The following RAB11FIP4 variants were observed in gnomAD, a reference collection of about 807,000 sequenced individuals.
RAB11FIP4 encodes RAB11 family interacting protein 4, also known as rab11 family-interacting protein 4.
Under a neutral mutation model 74.3 loss-of-function variants are expected in RAB11FIP4, and 23 were observed. That is an observed-to-expected ratio of 0.31 (90% confidence interval 0.22 to 0.44). RAB11FIP4 has a LOEUF of 0.44. RAB11FIP4 is among the 20% of genes least tolerant of loss of function. The pLI, the probability that RAB11FIP4 is intolerant of heterozygous loss-of-function variation, is 1.00. For missense variants in RAB11FIP4, 630 were observed against 863.9 expected, an observed-to-expected ratio of 0.73 and a Z score of 3.39; for synonymous variants, 360 against 359.9, an observed-to-expected ratio of 1.00 and a Z score of 0.00.
rs1161756383 is a variant in RAB11FIP4 at position 31,521,161 on chromosome 17, C to T, written c.564-5C>T. 3 of 1,562,950 alleles carry T rather than the reference C, an allele frequency of 1.9e-6. No individual in the cohort carries two copies. Among genetic ancestry groups the T allele is most frequent in the Non-Finnish European group, 2.6e-6 (3 of 1,148,128 alleles). Reference sequence around the variant, plus strand: ...CCTCTGACTTGGGTGCTCTCGGACCCTCAGGTCCCTGGTCCACACTCCATC... The same window carrying T: ...CCTCTGACTTGGGTGCTCTCGGACCTTCAGGTCCCTGGTCCACACTCCATC... On this transcript the variant is annotated splice_polypyrimidine_tract_variant and splice_region_variant and intron_variant, in intron 4 of 14. Coordinates refer to ENST00000621161, the MANE Select transcript of RAB11FIP4 (RefSeq NM_032932.6).
intron 3 of RAB11FIP4, among the ~76,000 whole-genome samples, chr17:31,496,967 T>G (rs2072127818): frequency 1.3e-5 from 2 of 152,218 alleles, no homozygotes; most frequent in African/African-American, 4.8e-5. Flanking sequence ...CTTAACCTCC[T>G]TGAACCTGTG....
intron 3 of RAB11FIP4, among the ~76,000 whole-genome samples, chr17:31,464,778 T>TTTTTG (rs2071668600): frequency 6.4e-5 from 8 of 125,180 alleles, no homozygotes; most frequent in Non-Finnish European, 9.5e-5. Context: ...TTTTTTTTTT[T>TTTTTG]GAGACAAGGT....
At chr17:31,473,535 T>C (rs1315796297) in intron 3 of RAB11FIP4, among the ~76,000 whole-genome samples, 1 of 152,170 alleles carries the variant, frequency 6.6e-6, no homozygotes, top group Non-Finnish European at 1.5e-5. Flanking sequence ...AGTGAGACTC[T>C]GTCTCAAAAA....
intron 3 of RAB11FIP4, among the ~76,000 whole-genome samples, chr17:31,504,255 C>G (rs1361537691): frequency 1.3e-5 from 2 of 149,336 alleles, no homozygotes; most frequent in Non-Finnish European, 2.9e-5. Context: ...CACAGCCTCC[C>G]GAGTAGCTGG....
chr17:31,400,173 G>C (rs369584399), intron 1 of RAB11FIP4, among the ~76,000 whole-genome samples: 5 of 152,194 alleles, frequency 3.3e-5, no homozygotes, highest in African/African-American at 1.2e-4. Flanking sequence ...TCGCAGAAAA[G>C]AGGCAAAGGA....
chr17:31,514,788 C>T (rs2072516345), intron 3 of RAB11FIP4, among the ~76,000 whole-genome samples: 2 of 152,354 alleles, frequency 1.3e-5, no homozygotes, highest in Admixed American at 6.5e-5. Context: ...GGTGTCCCCG[C>T]ACTAACCTGC....
chr17:31,405,412 C>T (rs1342470179), intron 1 of RAB11FIP4, among the ~76,000 whole-genome samples: 1 of 152,140 alleles, frequency 6.6e-6, no homozygotes, highest in Non-Finnish European at 1.5e-5. Flanking sequence ...CTCTGTCGCC[C>T]AGGCTGGAGT....
chr17:31,496,155 G>A (rs2072111982), intron 3 of RAB11FIP4, among the ~76,000 whole-genome samples: 2 of 152,208 alleles, frequency 1.3e-5, no homozygotes, highest in Non-Finnish European at 2.9e-5. Context: ...GATGCAGGTG[G>A]AGCCACCTTG....
Position 31,434,082 on chromosome 17 carries a change from C to T in RAB11FIP4, c.296C>T (p.Thr99Met), listed in dbSNP as rs1029178031. Residue 99 changes from threonine to methionine, a missense_variant, in exon 3 of 15, where the codon ACG (threonine) becomes ATG (methionine). By Grantham distance (81) the Thr-to-Met change is moderately conservative (BLOSUM62 -1). Transcript: ENST00000621161. ...GTGCTGTCGGTGGAGAGCGCGGGGA[C>T]GCTGCCGTGCGCGCCAGAGATCCCA... is the stretch of plus-strand genomic sequence containing the variant. The part of the protein sequence containing the change: ...KDVLSVESAG[T>M]LPCAPEIPDC... 1.5e-5 allele frequency: 24 copies of T among 1,585,942 alleles called. No homozygotes were observed. The highest frequency in any genetic ancestry group is 1.7e-4 in the Middle Eastern group (1 of 6,042).
chr17:31,533,095 A>G lies in RAB11FIP4; in HGVS notation c.*1363A>G, dbSNP rs1402095719. ...TGCTTTCTTCAGCACATCTTATAGT[A>G]TGAGAAGGAAGGTTTGGGCATGTTG... On this transcript the variant is annotated 3_prime_UTR_variant, in exon 15 of 15. Coordinates refer to ENST00000621161, the MANE Select transcript of RAB11FIP4 (RefSeq NM_032932.6). The G allele has an allele frequency of 6.6e-6, 1 of 152,140 alleles. No homozygotes were observed. The highest frequency in any genetic ancestry group is 1.5e-5 in the Non-Finnish European group (1 of 68,032). 9.4% of individuals were successfully genotyped at this position (152,140 alleles called of 1,614,324 possible).
intron 3 of RAB11FIP4, among the ~76,000 whole-genome samples, chr17:31,463,475 A>G (rs2071652233): frequency 6.6e-6 from 1 of 152,132 alleles, no homozygotes. Context: ...TGGGGTTCTC[A>G]GCTGGCCCCA....
intron 3 of RAB11FIP4, among the ~76,000 whole-genome samples, chr17:31,451,230 A>T (rs917119428): frequency 1.7e-4 from 26 of 152,034 alleles, no homozygotes; most frequent in African/African-American, 6.3e-4. Context: ...AGGCTGAGGC[A>T]GGTGGATCAC....
At chr17:31,485,210 CGGG>C (rs2071889602) in intron 3 of RAB11FIP4, among the ~76,000 whole-genome samples, 1 of 152,216 alleles carries the variant, frequency 6.6e-6, no homozygotes, top group Non-Finnish European at 1.5e-5. Context: ...TAAGTGGAAC[CGGG>C]CAGGCTTCAA....
Position 31,521,204 on chromosome 17 carries a change from T to C in RAB11FIP4, c.602T>C (p.Leu201Pro). The change falls in exon 5 of 15, where the codon CTT (leucine) becomes CCT (proline). Residue 201 changes from leucine to proline, a missense_variant. Transcript: ENST00000621161. ...VHTPSMTTSD[L>P]STHSTTSLIS... ...ACTCCATCCATGACGACCTCAGACC[T>C]TTCTACACACTCCACCACCTCGCTC... 6.2e-7 allele frequency: 1 copy of C among 1,612,848 alleles called. No individual in the cohort carries two copies. The highest frequency in any genetic ancestry group is 1.3e-5 in the African/African-American group (1 of 74,970).
chr17:31,424,576 A>ATTTTT (rs71142050), intron 1 of RAB11FIP4, among the ~76,000 whole-genome samples: 1 of 124,586 alleles, frequency 8.0e-6, no homozygotes, highest in Non-Finnish European at 1.7e-5. Context: ...CACCCAGCTA[A>ATTTTT]TTTTTTTTTT....
intron 3 of RAB11FIP4, among the ~76,000 whole-genome samples, chr17:31,489,765 A>G (rs1348067780): frequency 1.3e-5 from 2 of 151,986 alleles, no homozygotes; most frequent in African/African-American, 2.4e-5. Flanking sequence ...GGAAGCCGCT[A>G]GGGTTCTTCA....
At chr17:31,396,390 T>A (rs1467309496) in intron 1 of RAB11FIP4, among the ~76,000 whole-genome samples, 1 of 152,108 alleles carries the variant, frequency 6.6e-6, no homozygotes, top group African/African-American at 2.4e-5. Context: ...AGGCCTCTAT[T>A]TACTCATCCA....
At chr17:31,443,646 A>G (rs1203991103) in intron 3 of RAB11FIP4, among the ~76,000 whole-genome samples, 1 of 152,216 alleles carries the variant, frequency 6.6e-6, no homozygotes, top group Non-Finnish European at 1.5e-5. Context: ...GCAGTGGCTC[A>G]GGCCTGGAAT....
In RAB11FIP4 at chr17:31,517,862, T is replaced by G; in HGVS notation, c.548T>G (p.Phe183Cys). 6.4e-7 allele frequency: 1 copy of G among 1,551,568 alleles called. No individual in the cohort carries two copies. Among genetic ancestry groups the G allele is most frequent in the Non-Finnish European group, 8.7e-7 (1 of 1,146,970 alleles). The change falls in exon 4 of 15, where the codon TTT (phenylalanine) becomes TGT (cysteine). Residue 183 changes from phenylalanine (F) to cysteine (C), a missense_variant. Phe to Cys is a radical substitution (Grantham distance 205, BLOSUM62 -2). Transcript: ENST00000621161. ...AAGGACGGGGGACTTGGGGGCCTGTTTCTGCCAGAAGACAAGTGAGTTAAA... is the reference window on the plus strand; with the variant it reads ...AAGGACGGGGGACTTGGGGGCCTGTGTCTGCCAGAAGACAAGTGAGTTAAA... Reference protein sequence around the residue: ...AEKDGGLGGLFLPEDKSLVHT... With the variant: ...AEKDGGLGGLCLPEDKSLVHT...
Sources: gnomAD v4.1 joint callset for allele counts (sites outside exome capture counted in the v4.1 genomes callset) on GRCh38, gnomAD v4.1.1 for gene constraint, MANE v1.5 for transcripts, NCBI Gene and HGNC (gene_info 2026-07-23, HGNC 2026-07-21) for gene names.